The following TJP1 variants were observed in gnomAD, a reference collection of about 807,000 sequenced individuals.
The protein encoded by TJP1 is tight junction protein ZO-1.
Under a neutral mutation model 194.2 loss-of-function variants are expected in TJP1, and 43 were observed. That is an observed-to-expected ratio of 0.22 (90% CI 0.17 to 0.29). The LOEUF (loss-of-function observed/expected upper bound fraction) is 0.29, where lower values mean the gene tolerates loss of function less well. Among genes scored for constraint, TJP1 ranks in the 10% least tolerant of loss-of-function variants. The pLI is 1.00. For missense variants in TJP1, 1,971 were observed against 2,185.7 expected (o/e 0.90, Z 1.96); for synonymous variants, 801 against 779.0 (o/e 1.03, Z -0.47).
At chr15:29,772,888 C>T (rs1566995915) in intron 3 of TJP1, among the ~76,000 whole-genome samples, 1 of 152,100 alleles carries the variant, frequency 6.6e-6, no homozygotes, top group Non-Finnish European at 1.5e-5. Flanking sequence ...CCTCAGCCTC[C>T]CAAGTAGCTG....
chr15:29,738,299 C>A (rs1234181885), intron 10 of TJP1, among the ~76,000 whole-genome samples: 3 of 151,982 alleles, frequency 2.0e-5, no homozygotes, highest in South Asian at 2.1e-4. Flanking sequence ...AGAAAAAAAT[C>A]CCTATACTCT....
At chr15:29,922,464 T>G (rs1056680529) in intron 2 of TJP1, among the ~76,000 whole-genome samples, 9 of 152,244 alleles carry the variant, frequency 5.9e-5, no homozygotes, top group Admixed American at 4.6e-4. Context: ...ACTCTTAGAC[T>G]GCAAATAAAC....
rs2152003956 is a variant in TJP1 at position 29,820,420 on chromosome 15, T to C, written c.27+1582A>G. 4.5e-6 allele frequency: 3 copies of C among 672,986 alleles called. No homozygotes were observed. The South Asian group carries it at 4.9e-5, about 11-fold the overall frequency. The allele number at this position is 672,986 out of a possible 1,614,324, so 41.7% of individuals were successfully genotyped here. On this transcript the variant is annotated intron_variant, in intron 1 of 27. Transcript: ENST00000614355. The stretch of plus-strand genomic sequence containing the variant: ...TTTCAACTTGCCCTTTACTCGCAAA[T>C]GTTTACAATGCAAAAAAGTCCCTAC...
intron 11 of TJP1, among the ~76,000 whole-genome samples, chr15:29,736,004 A>G (rs1000306395): frequency 1.3e-5 from 2 of 152,212 alleles, no homozygotes; most frequent in Admixed American, 6.5e-5. Flanking sequence ...AACATTCTCC[A>G]AGTTTTAAAA....
At chr15:29,768,874 T>G (rs989303342) in intron 4 of TJP1, among the ~76,000 whole-genome samples, 5 of 152,142 alleles carry the variant, frequency 3.3e-5, no homozygotes, top group African/African-American at 1.2e-4. Flanking sequence ...TTAGCTTAAC[T>G]AAGTCTCAAA....
At chr15:29,774,414 C>T (rs1290981447) in intron 2 of TJP1, among the ~76,000 whole-genome samples, 1 of 152,002 alleles carries the variant, frequency 6.6e-6, no homozygotes, top group Non-Finnish European at 1.5e-5. Flanking sequence ...TACAATGAAA[C>T]ATTGTGTGTA....
At chr15:29,828,841 C>A (rs2050750920) in intron 2 of TJP1, among the ~76,000 whole-genome samples, 1 of 151,070 alleles carries the variant, frequency 6.6e-6, no homozygotes, top group Non-Finnish European at 1.5e-5. Context: ...TCAAGAGATT[C>A]TCCTGCCTCA....
chr15:29,798,755 A>C (rs570701796), intron 2 of TJP1, among the ~76,000 whole-genome samples: 1 of 152,356 alleles, frequency 6.6e-6, no homozygotes, highest in Admixed American at 6.5e-5. Flanking sequence ...GGAAACTGCA[A>C]AACACAAATA....
At chr15:29,815,869 T>C (rs1252121912) in intron 1 of TJP1, among the ~76,000 whole-genome samples, 2 of 152,342 alleles carry the variant, frequency 1.3e-5, no homozygotes, top group Middle Eastern at 3.4e-3. Flanking sequence ...GAGCCAGACC[T>C]TGTTTCCAGG....
chr15:29,914,452 T>C (rs748353369), intron 2 of TJP1, among the ~76,000 whole-genome samples: 15 of 152,156 alleles, frequency 9.9e-5, no homozygotes, highest in Non-Finnish European at 2.1e-4. Context: ...TGAGATTTTG[T>C]TCAACAAATC....
chr15:29,849,297 A>C (rs1024965042), intron 2 of TJP1, among the ~76,000 whole-genome samples: 1 of 152,126 alleles, frequency 6.6e-6, no homozygotes, highest in African/African-American at 2.4e-5. Flanking sequence ...GTACACAGCC[A>C]CATGTATGGT....
intron 2 of TJP1, among the ~76,000 whole-genome samples, chr15:29,913,199 A>G (rs78094192): frequency 0.068 from 10,314 of 151,818 alleles, 673 homozygotes; most frequent in African/African-American, 0.17. Flanking sequence ...CAAAAAAAAA[A>G]GGGGGTAGAA....
intron 2 of TJP1, among the ~76,000 whole-genome samples, chr15:29,913,340 A>G (rs1716652381): frequency 6.6e-6 from 1 of 152,218 alleles, no homozygotes; most frequent in South Asian, 2.1e-4. Flanking sequence ...TGATAAAAAT[A>G]TGGAGGATTT....
chr15:29,838,769 A>G (rs1261340545), intron 2 of TJP1, among the ~76,000 whole-genome samples: 1 of 151,866 alleles, frequency 6.6e-6, no homozygotes, highest in Non-Finnish European at 1.5e-5. Context: ...GCCTACACCC[A>G]TCCTCTCTCC....
chr15:29,926,677 T>C (rs191831358), intron 2 of TJP1, among the ~76,000 whole-genome samples: 6 of 152,276 alleles, frequency 3.9e-5, no homozygotes, highest in African/African-American at 1.4e-4. Flanking sequence ...GGACAATGAC[T>C]TAATAATACC....
intron 2 of TJP1, among the ~76,000 whole-genome samples, chr15:29,918,671 C>T (rs1036358132): frequency 6.6e-6 from 1 of 151,610 alleles, no homozygotes; most frequent in Non-Finnish European, 1.5e-5. Context: ...CTGGGGAGGT[C>T]GAGGCTGCAG....
intron 2 of TJP1, among the ~76,000 whole-genome samples, chr15:29,908,741 G>A (rs912585353): frequency 4.6e-5 from 7 of 152,218 alleles, no homozygotes; most frequent in East Asian, 1.9e-4. Context: ...AGGCTCGGCC[G>A]GGCACAGCAG....
At position 29,741,331 on chromosome 15, in the gene TJP1, C is replaced by T. The variant is rs2151337477; in HGVS notation, c.1256G>A (p.Arg419Gln). Residue 419 changes from arginine to glutamine, a missense_variant and splice_region_variant, in exon 10 of 28, where the codon CGG becomes CAG. Around this residue, in one of 5 missense-constraint regions of TJP1, gnomAD observed 24 missense variants for 54.2 expected, o/e 0.44. Coordinates refer to ENST00000614355, the MANE Select transcript of TJP1 (RefSeq NM_001330239.4). ...CAATACAACTTTAAAATTGTATTAC[C>T]GAAGAATCCCATCTTCATGAGTTGA... ...PNSTHEDGIL[R>Q]PSMKLVKFRK... is the part of the protein sequence containing the mutation. The T allele has an allele frequency of 6.3e-7, 1 of 1,582,544 alleles. No homozygotes were observed.
chr15:29,778,256 T>C (rs2151698561), intron 2 of TJP1, among the ~76,000 whole-genome samples: 1 of 152,000 alleles, frequency 6.6e-6, no homozygotes, highest in East Asian at 1.9e-4. Flanking sequence ...TGGGAACAAT[T>C]TCAAAACTGC....
Sources: allele counts gnomAD v4.1 joint callset (sites outside exome capture counted in the v4.1 genomes callset), GRCh38; gene constraint gnomAD v4.1.1; regional missense constraint gnomAD v4.1.1; transcripts MANE v1.5; gene names NCBI Gene and HGNC (gene_info 2026-07-23, HGNC 2026-07-21).